PPM1H: variants seen among roughly 807,000 people sequenced by gnomAD.
PPM1H encodes protein phosphatase, Mg2+/Mn2+ dependent 1H, also known as protein phosphatase 1H.
Under a neutral mutation model 54.9 loss-of-function variants are expected in PPM1H, and 27 were observed. The ratio of observed to expected loss-of-function variants is 0.49; its 90% CI spans 0.36 to 0.68. PPM1H has a LOEUF of 0.68. Ranked by LOEUF, PPM1H falls within the 30% of genes least tolerant of loss-of-function variation. PPM1H has a pLI of 0.00. For missense variants in PPM1H, 596 were observed against 667.8 expected (o/e 0.89, Z 1.19); for synonymous variants, 305 against 270.8 (o/e 1.13, Z -1.24).
At chr12:62,691,081 T>C (rs1252164183) in intron 7 of PPM1H, among the ~76,000 whole-genome samples, 1 of 152,038 alleles carries the variant, frequency 6.6e-6, no homozygotes, top group Non-Finnish European at 1.5e-5. Context: ...GAAAAACACA[T>C]AGACAATGGG....
chr12:62,712,887 G>C (rs368021890), intron 6 of PPM1H, among the ~76,000 whole-genome samples: 3 of 152,300 alleles, frequency 2.0e-5, no homozygotes, highest in African/African-American at 4.8e-5. Flanking sequence ...CTGTAACAGG[G>C]CTTCTGTGCT....
rs796191069 is a variant in PPM1H at position 62,911,309 on chromosome 12, C to T, written c.245+23183G>A. 3.3e-5 allele frequency among the ~76,000 whole-genome samples: 5 copies of T among 152,080 alleles called. No individual in the cohort carries two copies. The South Asian group carries it at 8.3e-4, about 25-fold the overall frequency. On this transcript the variant is annotated intron_variant, in intron 1 of 9. Transcript: ENST00000228705. ...ATACGAGTTTGTCAAATTTTTAAAC[C>T]CTACGATGTAAAAGTTCTCCTTAAT...
chr12:62,932,628 CTTTTTTTTTTTT>C (rs61003358), intron 1 of PPM1H, among the ~76,000 whole-genome samples: 1 of 54,006 alleles, frequency 1.9e-5, no homozygotes, highest in East Asian at 5.7e-4. Flanking sequence ...TCCAAATGGG[CTTTTTTTTTTTT>C]TTTTTTTTTT....
At chr12:62,737,630 G>A (rs372808073) in intron 4 of PPM1H, 44 bp from the exon 5 acceptor site, 2 of 1,329,574 alleles carry the variant, frequency 1.5e-6, no homozygotes, top group African/African-American at 1.5e-5. Flanking sequence ...TCTCATAAAT[G>A]CTCTGATTCT....
At chr12:62,852,713 C>T (rs941930586) in intron 1 of PPM1H, among the ~76,000 whole-genome samples, 4 of 152,164 alleles carry the variant, frequency 2.6e-5, no homozygotes, top group Non-Finnish European at 5.9e-5. Context: ...TGCCACCTCA[C>T]AGATTTCTTG....
intron 8 of PPM1H, among the ~76,000 whole-genome samples, chr12:62,672,936 G>A (rs566503942): frequency 4.1e-4 from 62 of 152,296 alleles, no homozygotes; most frequent in African/African-American, 1.1e-3. Context: ...GGGAAGGAGA[G>A]TGGAAGAAAC....
intron 1 of PPM1H, among the ~76,000 whole-genome samples, chr12:62,897,791 G>A (rs184617774): frequency 9.5e-4 from 145 of 152,166 alleles, no homozygotes; most frequent in African/African-American, 3.3e-3. Context: ...AACTAACTAT[G>A]GGAACTAAAC....
chr12:62,722,520 T>C (rs565716809), intron 5 of PPM1H, among the ~76,000 whole-genome samples: 126 of 152,282 alleles, frequency 8.3e-4, no homozygotes, highest in Non-Finnish European at 1.8e-4. Flanking sequence ...ATTTTGGGCC[T>C]TTAACCTACA....
At chr12:62,871,936 C>A (rs1018103549) in intron 1 of PPM1H, among the ~76,000 whole-genome samples, 32 of 152,192 alleles carry the variant, frequency 2.1e-4, no homozygotes, top group Non-Finnish European at 2.2e-4. Flanking sequence ...GTAACTCTTA[C>A]AGTGGGTCAC....
At chr12:62,667,373 T>C (rs2136612555) in intron 8 of PPM1H, 44 bp from the exon 9 acceptor site, 1 of 1,458,856 alleles carries the variant, frequency 6.9e-7, no homozygotes, top group East Asian at 2.4e-5. Flanking sequence ...ATTGGAAGCA[T>C]ATTATTCTCC....
At chr12:62,811,033 T>C (rs1161902685) in intron 2 of PPM1H, among the ~76,000 whole-genome samples, 1 of 152,200 alleles carries the variant, frequency 6.6e-6, no homozygotes, top group African/African-American at 2.4e-5. Context: ...GTGTGATGAA[T>C]GTTAGAAAAA....
chr12:62,934,383 G>A lies in PPM1H; in HGVS notation c.245+109C>T, dbSNP rs1872251036. 2 of 1,354,702 alleles carry A rather than the reference G, an allele frequency of 1.5e-6. No homozygotes were observed. Among genetic ancestry groups the A allele is most frequent in the Non-Finnish European group, 1.9e-6 (2 of 1,041,484 alleles). 83.9% of individuals were successfully genotyped at this position (1,354,702 alleles called of 1,614,324 possible). A position where few individuals can be genotyped will look rare whatever the true frequency, so the allele number is the denominator to read the frequency against. ...GCTCCCCGCCGAGGCCTGGACGCCGGCAGCTAGTGAGAGCCCTGAGGCCGA... is the reference window on the plus strand; with the variant it reads ...GCTCCCCGCCGAGGCCTGGACGCCGACAGCTAGTGAGAGCCCTGAGGCCGA... On this transcript the variant is annotated intron_variant, in intron 1 of 9. Transcript: ENST00000228705. This position sits in a 1 kb window ranked among gnomAD's most constrained non-coding sequence, Gnocchi z 4.2.
chr12:62,829,542 C>T (rs977063072), intron 2 of PPM1H, among the ~76,000 whole-genome samples: 1 of 152,182 alleles, frequency 6.6e-6, no homozygotes, highest in Admixed American at 6.5e-5. Context: ...AAAAGAAGCT[C>T]AACTCTTGTC....
chr12:62,671,062 G>A (rs766037002), intron 8 of PPM1H, among the ~76,000 whole-genome samples: 3 of 152,230 alleles, frequency 2.0e-5, no homozygotes, highest in Admixed American at 1.3e-4. Flanking sequence ...ACTGGGCTCC[G>A]GAGTCCTGAC....
intron 2 of PPM1H, among the ~76,000 whole-genome samples, chr12:62,804,666 C>CTTTTT (rs1162966258): frequency 3.1e-4 from 41 of 134,292 alleles, no homozygotes; most frequent in African/African-American, 7.3e-4. Context: ...TGGTTAATTT[C>CTTTTT]TTTTTTTTTC....
intron 6 of PPM1H, among the ~76,000 whole-genome samples, chr12:62,718,313 T>C (rs2076246314): frequency 6.6e-6 from 1 of 152,194 alleles, no homozygotes; most frequent in Non-Finnish European, 1.5e-5. Context: ...TGTTTTCTGC[T>C]TCTATCCCTC....
rs1320343315 is a variant in PPM1H at position 62,743,529 on chromosome 12, CCCTAG to C, written c.870-5948_870-5944del. Among the ~76,000 whole-genome samples the C allele has an allele frequency of 2.0e-5, 3 of 151,916 alleles. No homozygotes were observed. In the East Asian group the frequency reaches 5.8e-4, roughly 29 times the overall value. ...GAGTTAAAAACACATATCTTTATTC[CCCTAG>C]TCTAAATATTAAGTGGTTAAGAGAA... is the stretch of plus-strand genomic sequence containing the variant. On this transcript the variant is annotated intron_variant, in intron 4 of 9. Transcript: ENST00000228705.
rs969964071 is a variant in PPM1H at position 62,789,084 on chromosome 12, T to C, written c.757-746A>G. ...AGGCTGGAGTGCAGTGGTATGATCA[T>C]AGCTCACTGCAGCCTTGACCTCCTG... is the stretch of plus-strand genomic sequence containing the variant. On this transcript the variant is annotated intron_variant, in intron 3 of 9. Transcript: ENST00000228705. Among the ~76,000 whole-genome samples, 9 of 152,250 alleles carry C rather than the reference T, an allele frequency of 5.9e-5. 1 individual carries two copies. In the Middle Eastern group the frequency reaches 0.014, roughly 230 times the overall value.
chr12:62,694,526 G>C (rs938845635), intron 6 of PPM1H, among the ~76,000 whole-genome samples: 2 of 152,152 alleles, frequency 1.3e-5, no homozygotes, highest in Non-Finnish European at 2.9e-5. Flanking sequence ...CTTTTAAATA[G>C]CCACTCAATA....
Sources: allele counts gnomAD v4.1 joint callset (sites outside exome capture counted in the v4.1 genomes callset), GRCh38; gene constraint gnomAD v4.1.1; non-coding constraint Gnocchi (gnomAD v3.1); transcripts MANE v1.5; gene names NCBI Gene and HGNC (gene_info 2026-07-23, HGNC 2026-07-21).